INPP5D: variants seen among roughly 807,000 people sequenced by gnomAD.
INPP5D encodes the protein phosphatidylinositol 3,4,5-trisphosphate 5-phosphatase 1.
INPP5D carries 33 observed loss-of-function variants against 122.9 expected under a neutral mutation model. The ratio of observed to expected loss-of-function variants is 0.27; its 90% CI spans 0.20 to 0.36. The LOEUF (loss-of-function observed/expected upper bound fraction) is 0.36, where lower values mean the gene tolerates loss of function less well. Among genes scored for constraint, INPP5D ranks in the 10% least tolerant of loss-of-function variants. The pLI is 1.00. For synonymous variants in INPP5D, 584 were observed against 576.2 expected, an observed-to-expected ratio of 1.01 and a Z score of -0.19; for missense variants, 1,053 against 1,412.7, an observed-to-expected ratio of 0.75 and a Z score of 4.08.
Position 233,060,557 on chromosome 2 carries a change from A to C in INPP5D, c.79A>C (p.Ser27Arg). The part of the protein sequence containing the change: ...ELLSRTGKDG[S>R]FLVRASESIS... The stretch of plus-strand genomic sequence containing the variant: ...GCTTTCCAGGACAGGCAAGGACGGG[A>C]GCTTCCTCGTGCGTGCCAGCGAGTC... Residue 27 changes from serine to arginine, a missense_variant, in exon 1 of 27, where the codon AGC (serine) becomes CGC (arginine). By Grantham distance (110) the Ser-to-Arg change is moderately radical. Transcript: ENST00000445964. 6.2e-7 allele frequency: 1 copy of C among 1,613,958 alleles called. No individual in the cohort carries two copies. Among genetic ancestry groups the C allele is most frequent in the Non-Finnish European group, 8.5e-7 (1 of 1,179,868 alleles).
At chr2:233,096,459 C>T (rs2106228310) in intron 2 of INPP5D, among the ~76,000 whole-genome samples, 1 of 152,232 alleles carries the variant, frequency 6.6e-6, no homozygotes, top group East Asian at 1.9e-4. Context: ...CGAGACCAGC[C>T]TGGCCAACAT....
intron 1 of INPP5D, among the ~76,000 whole-genome samples, chr2:233,071,276 G>A (rs753600377): frequency 1.3e-5 from 2 of 151,714 alleles, no homozygotes; most frequent in Non-Finnish European, 2.9e-5. Flanking sequence ...GGGCCACAGA[G>A]TGAGTCTCTG....
intron 9 of INPP5D, 107 bp downstream of exon 9, chr2:233,147,701 C>T (rs1266656685): frequency 2.3e-5 from 15 of 653,936 alleles, no homozygotes; most frequent in Admixed American, 6.8e-5. Flanking sequence ...GTCTTCCGCA[C>T]GCATGCGCGC....
At position 233,074,214 on chromosome 2, in the gene INPP5D, G is replaced by C. The variant is rs561196025; in HGVS notation, c.135-5121G>C. 1.4e-4 allele frequency among the ~76,000 whole-genome samples: 21 copies of C among 152,338 alleles called. No homozygotes were observed. In the South Asian group the frequency reaches 3.1e-3, roughly 23 times the overall value. ...GATGACAATTCAAGATCCAGCCGGTGGTGGGGCCAGAGATGAGGGTGTGGT... is the reference window on the plus strand; with the variant it reads ...GATGACAATTCAAGATCCAGCCGGTCGTGGGGCCAGAGATGAGGGTGTGGT... On this transcript the variant is annotated intron_variant, in intron 1 of 26. Transcript: ENST00000445964.
intron 10 of INPP5D, 64 bp downstream of exon 10, chr2:233,158,483 C>T: frequency 3.0e-6 from 2 of 658,648 alleles, no homozygotes; most frequent in Non-Finnish European, 5.5e-6. Context: ...CGTTTTGAGG[C>T]TCGCTGTGTG....
intron 1 of INPP5D, among the ~76,000 whole-genome samples, chr2:233,064,075 C>G (rs1055307142): frequency 6.6e-6 from 1 of 152,278 alleles, no homozygotes; most frequent in African/African-American, 2.4e-5. Context: ...CTTGTGCAAT[C>G]TGCACAGGCA....
chr2:233,198,006 A>T, intron 24 of INPP5D, 89 bp from the exon 25 acceptor site: 3 of 1,437,500 alleles, frequency 2.1e-6, no homozygotes, highest in Non-Finnish European at 1.8e-6. Flanking sequence ...AGAGAGCCCT[A>T]GGGTTATCAG....
chr2:233,081,025 G>A (rs983054386), intron 2 of INPP5D, among the ~76,000 whole-genome samples: 1 of 152,210 alleles, frequency 6.6e-6, no homozygotes, highest in Admixed American at 6.5e-5. Context: ...CTGCCCCTGA[G>A]TCCACTGCAG....
intron 25 of INPP5D, among the ~76,000 whole-genome samples, chr2:233,202,616 G>A (rs984075380): frequency 2.0e-5 from 3 of 152,256 alleles, no homozygotes; most frequent in South Asian, 2.1e-4. Flanking sequence ...AGTAACAGGC[G>A]CAACAGCCTC....
chr2:233,123,237 C>T (rs935469117), intron 3 of INPP5D, among the ~76,000 whole-genome samples: 2 of 152,114 alleles, frequency 1.3e-5, no homozygotes, highest in African/African-American at 2.4e-5. Context: ...GGGCAGATCA[C>T]GAGGTCAGGA....
chr2:233,169,189 A>G, intron 13 of INPP5D, 116 bp from the exon 14 acceptor site: 1 of 1,476,418 alleles, frequency 6.8e-7, no homozygotes, highest in South Asian at 1.3e-5. Context: ...TGTTTCGCCC[A>G]TCCCTTGCCA....
intron 9 of INPP5D, among the ~76,000 whole-genome samples, chr2:233,157,876 C>CT: frequency 1.0e-5 from 1 of 97,222 alleles, no homozygotes; most frequent in East Asian, 1.2e-3. Flanking sequence ...TTGCAAAAAC[C>CT]TTATAGAACA....
chr2:233,083,474 T>G (rs1013557438), intron 2 of INPP5D, among the ~76,000 whole-genome samples: 1 of 151,922 alleles, frequency 6.6e-6, no homozygotes, highest in African/African-American at 2.4e-5. Context: ...TGGGGGAGGG[T>G]TGGGGCAGTG....
Position 233,197,124 on chromosome 2 carries a change from G to A in INPP5D, c.2694-971G>A, listed in dbSNP as rs1407094163. 6.6e-6 allele frequency among the ~76,000 whole-genome samples: 1 copy of A among 152,302 alleles called. No individual in the cohort carries two copies. The highest frequency in any genetic ancestry group is 1.5e-5 in the Non-Finnish European group (1 of 68,030). On this transcript the variant is annotated intron_variant, in intron 24 of 26. Coordinates refer to ENST00000445964, the MANE Select transcript of INPP5D (RefSeq NM_001017915.3). This position sits in a 1 kb window ranked among gnomAD's most constrained non-coding sequence, Gnocchi z 4.4. ...GGTGGATGGGAACAAGGTACAGCTC[G>A]GAACCAGGCTGGCAGAGCACATGGG...
intron 9 of INPP5D, among the ~76,000 whole-genome samples, chr2:233,157,097 G>T (rs1694074674): frequency 6.6e-6 from 1 of 152,210 alleles, no homozygotes; most frequent in Non-Finnish European, 1.5e-5. Context: ...AAGTGTGAGG[G>T]TCGAATTCTC....
chr2:233,184,588 C>T, intron 20 of INPP5D, 67 bp downstream of exon 20: 2 of 1,578,932 alleles, frequency 1.3e-6, no homozygotes, highest in Non-Finnish European at 1.7e-6. Flanking sequence ...ACCTTTCATA[C>T]TTGGCACTTT....
chr2:233,113,115 C>T (rs901225986), intron 2 of INPP5D, among the ~76,000 whole-genome samples: 2 of 152,080 alleles, frequency 1.3e-5, no homozygotes, highest in Admixed American at 6.5e-5. Flanking sequence ...ATGTATTATC[C>T]CCAAGAAGGG....
chr2:233,071,007 C>T (rs190630198), intron 1 of INPP5D, among the ~76,000 whole-genome samples: 49 of 152,228 alleles, frequency 3.2e-4, no homozygotes, highest in African/African-American at 1.1e-3. Context: ...GGCACAGTGG[C>T]TCACACCTGT....
chr2:233,181,913 T>A (rs1193948784), intron 18 of INPP5D, among the ~76,000 whole-genome samples: 1 of 152,114 alleles, frequency 6.6e-6, no homozygotes, highest in Non-Finnish European at 1.5e-5. Context: ...CTGGCCAACA[T>A]GGCAAAACCT....
Sources: allele counts gnomAD v4.1 joint callset (sites outside exome capture counted in the v4.1 genomes callset), GRCh38; gene constraint gnomAD v4.1.1; non-coding constraint Gnocchi (gnomAD v3.1); transcripts MANE v1.5; gene names NCBI Gene and HGNC (gene_info 2026-07-23, HGNC 2026-07-21).